The following KLRD1 variants were observed in gnomAD, a reference collection of about 807,000 sequenced individuals.
KLRD1 encodes killer cell lectin like receptor D1, also known as natural killer cells antigen CD94.
A neutral mutation model predicts 22.6 loss-of-function variants in KLRD1; 21 were observed. The ratio of observed to expected loss-of-function variants is 0.93; its 90% CI spans 0.66 to 1.34. The LOEUF (loss-of-function observed/expected upper bound fraction) is 1.34, where lower values mean the gene tolerates loss of function less well. Ranked by LOEUF, KLRD1 falls within the 40% of genes most tolerant of loss-of-function variation. The pLI is 0.00. For synonymous variants in KLRD1, 59 were observed against 71.1 expected (o/e 0.83, Z 0.85); for missense variants, 183 against 208.6 (o/e 0.88, Z 0.76).
At chr12:10,305,289 A>G (rs980784711), upstream of KLRD1, among the ~76,000 whole-genome samples, 12 of 152,324 alleles carry the variant, frequency 7.9e-5, no homozygotes, top group African/African-American at 2.6e-4. Context: ...TTGGCAGGAT[A>G]CCTAACTTTT....
intron 3 of KLRD1, among the ~76,000 whole-genome samples, chr12:10,311,189 T>C (rs1253498643): frequency 6.6e-6 from 1 of 152,094 alleles, no homozygotes; most frequent in Non-Finnish European, 1.5e-5. Context: ...ACATACTTAA[T>C]TTTTTTGTAC....
intron 4 of KLRD1, among the ~76,000 whole-genome samples, chr12:10,312,991 A>G (rs1950130797): frequency 6.6e-6 from 1 of 151,734 alleles, no homozygotes; most frequent in African/African-American, 2.4e-5. Context: ...CCTCTCAACA[A>G]AAAGAAAAAA....
At chr12:10,253,009 A>C (rs1949359410) in intron 1 of KLRD1, among the ~76,000 whole-genome samples, 1 of 152,082 alleles carries the variant, frequency 6.6e-6, no homozygotes, top group Admixed American at 6.5e-5. Flanking sequence ...AAAGTTTGAC[A>C]ATCCTCTGCA....
chr12:10,317,680 C>T lies in KLRD1; in HGVS notation c.*2887C>T, dbSNP rs1426038293. 6.6e-6 allele frequency: 1 copy of T among 152,206 alleles called. No homozygotes were observed. Among genetic ancestry groups the T allele is most frequent in the Non-Finnish European group, 1.5e-5 (1 of 68,058 alleles). 9.4% of individuals were successfully genotyped at this position (152,206 alleles called of 1,614,324 possible). ...GCTGTCTTGGTAAATTCTTTTACCT[C>T]AATGCCACCGGCCCAGGTAGCCGTT... On this transcript the variant is annotated 3_prime_UTR_variant, in exon 6 of 6. Coordinates refer to ENST00000336164, the MANE Select transcript of KLRD1 (RefSeq NM_002262.5).
intron 1 of KLRD1, among the ~76,000 whole-genome samples, chr12:10,243,128 G>A (rs1949256511): frequency 6.6e-6 from 1 of 151,900 alleles, no homozygotes; most frequent in Non-Finnish European, 1.5e-5. Context: ...AAAGAGAATG[G>A]GGAGATGATG....
chr12:10,320,476 T>G lies in KLRD1; in HGVS notation c.*5683T>G, dbSNP rs2137746149. 6.6e-6 allele frequency: 1 copy of G among 152,310 alleles called. No homozygotes were observed. The highest frequency in any genetic ancestry group is 2.1e-4 in the South Asian group (1 of 4,828). The allele number at this position is 152,310 out of a possible 1,614,324, so 9.4% of individuals were successfully genotyped here. On this transcript the variant is annotated 3_prime_UTR_variant, in exon 6 of 6. Coordinates refer to ENST00000336164, the MANE Select transcript of KLRD1 (RefSeq NM_002262.5). ...CATTGTGGAAAGTAGAAAATGTACT[T>G]AATGATTTAAGAGAATGCTCTAAAC...
chr12:10,308,159 T>C (rs1949967805), intron 1 of KLRD1, 75 bp downstream of exon 1: 1 of 1,303,884 alleles, frequency 7.7e-7, no homozygotes, highest in Admixed American at 1.7e-5. Context: ...TTTGGGGTAA[T>C]GCTTTAAGAG....
rs987268437 is a variant in KLRD1, at chr12:10,325,215, G to A, written c.*10422G>A. ...AGTCTGATGAGAATTTTTATAAGGA[G>A]TACATATGACATATGCTTTTATTAA... On this transcript the variant is annotated 3_prime_UTR_variant, in exon 6 of 6. Coordinates refer to ENST00000336164, the MANE Select transcript of KLRD1 (RefSeq NM_002262.5). 1 of 152,024 alleles carries A rather than the reference G, an allele frequency of 6.6e-6. No individual in the cohort carries two copies. The highest frequency in any genetic ancestry group is 2.4e-5 in the African/African-American group (1 of 41,430). The allele number at this position is 152,024 out of a possible 1,614,324, so 9.4% of individuals were successfully genotyped here. A position where few individuals can be genotyped will look rare whatever the true frequency, so the allele number is the denominator to read the frequency against.
Position 10,325,929 on chromosome 12 carries a change from A to G in KLRD1, c.*11136A>G, listed in dbSNP as rs1008523536. 2 of 152,194 alleles carry G rather than the reference A, an allele frequency of 1.3e-5. No individual in the cohort carries two copies. Among genetic ancestry groups the G allele is most frequent in the African/African-American group, 4.8e-5 (2 of 41,450 alleles). 9.4% of individuals were successfully genotyped at this position (152,194 alleles called of 1,614,324 possible). On this transcript the variant is annotated 3_prime_UTR_variant, in exon 6 of 6. Coordinates refer to ENST00000336164, the MANE Select transcript of KLRD1 (RefSeq NM_002262.5). ...AGCAGCACAATTTTTCATTCCCACC[A>G]AAGTGTTCAAGGGGTCTAATTACCC...
In KLRD1 at chr12:10,314,666, A is replaced by G. The variant is rs1950181318; in HGVS notation, c.420-7A>G. On this transcript the variant is annotated splice_polypyrimidine_tract_variant and splice_region_variant and intron_variant, in intron 5 of 5. Coordinates refer to ENST00000336164, the MANE Select transcript of KLRD1 (RefSeq NM_002262.5). ...TGTGTATGTGAACATTTTCTTCTTC[A>G]TTACAGATTTCCATCATTTGAAACT... 1.3e-6 allele frequency: 2 copies of G among 1,551,612 alleles called. No homozygotes were observed. Among genetic ancestry groups the G allele is most frequent in the Non-Finnish European group, 1.7e-6 (2 of 1,154,708 alleles).
intron 1 of KLRD1, among the ~76,000 whole-genome samples, chr12:10,248,924 G>A (rs1260404428): frequency 6.6e-6 from 1 of 151,780 alleles, no homozygotes; most frequent in Non-Finnish European, 1.5e-5. Context: ...CTTGATGATT[G>A]CACTTTTTGT....
chr12:10,274,221 A>G (rs573159403), intron 1 of KLRD1, among the ~76,000 whole-genome samples: 2 of 152,174 alleles, frequency 1.3e-5, no homozygotes, highest in Non-Finnish European at 2.9e-5. Flanking sequence ...CAGAGGTTGT[A>G]GTGAGCTGAG....
intron 1 of KLRD1, among the ~76,000 whole-genome samples, chr12:10,251,325 A>T (rs950032245): frequency 6.6e-6 from 1 of 151,934 alleles, no homozygotes; most frequent in Non-Finnish European, 1.5e-5. Context: ...GGGCTTCACC[A>T]TGTTGTCCAG....
chr12:10,293,474 A>G (rs543955727), intron 1 of KLRD1, among the ~76,000 whole-genome samples: 1 of 152,092 alleles, frequency 6.6e-6, no homozygotes, highest in South Asian at 2.1e-4. Context: ...GAGATGGACA[A>G]TCGCTGGCCA....
intron 3 of KLRD1, 135 bp from the exon 4 acceptor site, chr12:10,311,329 C>T (rs1950063795): frequency 1.5e-6 from 1 of 649,938 alleles, no homozygotes; most frequent in Non-Finnish European, 2.5e-6. Context: ...CATTAGTAGC[C>T]CCTGAAGTGT....
intron 1 of KLRD1, among the ~76,000 whole-genome samples, chr12:10,255,110 T>G (rs1278206440): frequency 4.5e-5 from 6 of 132,366 alleles, no homozygotes; most frequent in East Asian, 2.8e-4. Flanking sequence ...CTGGTGAGGA[T>G]GCAGAGAAAA....
At chr12:10,283,359 A>G (rs1949664627) in intron 1 of KLRD1, among the ~76,000 whole-genome samples, 2 of 152,338 alleles carry the variant, frequency 1.3e-5, no homozygotes, top group South Asian at 4.1e-4. Flanking sequence ...GGAGCAGAAT[A>G]GTGGTTACCA....
intron 1 of KLRD1, among the ~76,000 whole-genome samples, chr12:10,295,684 G>GA (rs1949815264): frequency 6.6e-6 from 1 of 151,864 alleles, no homozygotes. Context: ...CAAGAGTTCA[G>GA]AAAAAGTAAA....
At chr12:10,271,641 A>G (rs1225829181) in intron 1 of KLRD1, among the ~76,000 whole-genome samples, 1 of 152,170 alleles carries the variant, frequency 6.6e-6, no homozygotes, top group Non-Finnish European at 1.5e-5. Context: ...AGGTCTGAGT[A>G]TATTATACTT....
Sources: gnomAD v4.1 joint callset for allele counts (sites outside exome capture counted in the v4.1 genomes callset) on GRCh38, gnomAD v4.1.1 for gene constraint, MANE v1.5 for transcripts, NCBI Gene and HGNC (gene_info 2026-07-23, HGNC 2026-07-21) for gene names.